Variants in NOL4L observed in about 807,000 individuals in gnomAD.
NOL4L encodes the protein nucleolar protein 4 like.
NOL4L carries 7 observed loss-of-function variants against 64.5 expected under a neutral mutation model. The observed-to-expected ratio is 0.11, with a 90% CI of 0.06 to 0.20. The LOEUF is 0.20. NOL4L is among the 10% of genes least tolerant of loss of function. The probability of loss-of-function intolerance (pLI) is 1.00; values close to 1 mark genes in which losing one functional copy is unlikely to be tolerated. For missense variants in NOL4L, 680 were observed against 967.1 expected, an observed-to-expected ratio of 0.70 and a Z score of 3.94; for synonymous variants, 413 against 401.0, an observed-to-expected ratio of 1.03 and a Z score of -0.36.
At chr20:32,472,867 G>T (rs2015118151) in intron 5 of NOL4L, among the ~76,000 whole-genome samples, 1 of 152,162 alleles carries the variant, frequency 6.6e-6, no homozygotes, top group Non-Finnish European at 1.5e-5. Flanking sequence ...GGAAGGTGGT[G>T]TCTGACTACC....
chr20:32,527,927 G>A lies in NOL4L; in HGVS notation c.322-14C>T. ...GCCATCTGCCCCCTGCGACAGGGTG[G>A]ACAAGCTGTGTTAGTGTCAGGAATG... On this transcript the variant is annotated splice_polypyrimidine_tract_variant and intron_variant, in intron 1 of 10. Transcript: ENST00000621426. 1 of 1,548,270 alleles carries A rather than the reference G, an allele frequency of 6.5e-7. No homozygotes were observed. The highest frequency in any genetic ancestry group is 8.7e-7 in the Non-Finnish European group (1 of 1,145,730).
At position 32,551,059 on chromosome 20, in the gene NOL4L, AAAT is replaced by A. The variant is rs937561532; in HGVS notation, c.322-23149_322-23147del. On this transcript the variant is annotated intron_variant, in intron 1 of 10. Transcript: ENST00000621426. ...AGACAGAGCAAGACTCCATCTCAAA[AAAT>A]AATAATAATAATACAGTATTATAAT... Among the ~76,000 whole-genome samples, 67 of 151,850 alleles carry A rather than the reference AAAT, an allele frequency of 4.4e-4. 1 individual carries two copies. The highest frequency in any genetic ancestry group is 8.4e-4 in the Non-Finnish European group (57 of 67,942).
chr20:32,465,999 T>G (rs1485337684), intron 5 of NOL4L, among the ~76,000 whole-genome samples: 2 of 147,050 alleles, frequency 1.4e-5, no homozygotes, highest in Non-Finnish European at 3.0e-5. Flanking sequence ...TTTTTTTTTT[T>G]GAGATGGAGT....
At chr20:32,555,168 T>C (rs1243381027) in intron 1 of NOL4L, among the ~76,000 whole-genome samples, 1 of 152,146 alleles carries the variant, frequency 6.6e-6, no homozygotes, top group African/African-American at 2.4e-5. Flanking sequence ...TCTTTCCTGG[T>C]GTTACGTTAA....
At chr20:32,583,515 G>C (rs898367135) in intron 1 of NOL4L, among the ~76,000 whole-genome samples, 14 of 146,632 alleles carry the variant, frequency 9.5e-5, no homozygotes, top group African/African-American at 3.5e-4. Context: ...CGGCTCTCGC[G>C]CTCCGGCCGG....
At chr20:32,494,282 AC>A (rs1463579466) in intron 4 of NOL4L, among the ~76,000 whole-genome samples, 3,409 of 57,888 alleles carry the variant, frequency 0.059, 621 homozygotes, top group African/African-American at 0.26. Context: ...AAAAAAAAAA[AC>A]ACACAACACA....
intron 1 of NOL4L, among the ~76,000 whole-genome samples, chr20:32,579,577 A>T (rs1980340153): frequency 6.6e-6 from 1 of 151,890 alleles, no homozygotes; most frequent in Non-Finnish European, 1.5e-5. Flanking sequence ...AGCAGCCTGC[A>T]GGGGCCATAA....
At chr20:32,450,801 C>G (rs1295694420) in intron 10 of NOL4L, among the ~76,000 whole-genome samples, 2 of 152,164 alleles carry the variant, frequency 1.3e-5, no homozygotes, top group African/African-American at 4.8e-5. Context: ...GGCTTTTCTT[C>G]CTGGAATGAA....
intron 6 of NOL4L, among the ~76,000 whole-genome samples, chr20:32,455,779 G>A (rs995705845): frequency 1.3e-5 from 2 of 152,218 alleles, no homozygotes; most frequent in Non-Finnish European, 2.9e-5. Flanking sequence ...TGGCTGTGCC[G>A]AAAGTGGCCA....
chr20:32,517,067 C>T (rs987726855), intron 3 of NOL4L, among the ~76,000 whole-genome samples: 2 of 152,218 alleles, frequency 1.3e-5, no homozygotes, highest in African/African-American at 4.8e-5. Flanking sequence ...CTGGAATTTC[C>T]CGTCCTCAGA....
At chr20:32,462,919 A>AAAAAAAAAAAAAAAAAAAAAAAAAC (rs1303278206) in intron 5 of NOL4L, among the ~76,000 whole-genome samples, 1 of 150,854 alleles carries the variant, frequency 6.6e-6, no homozygotes, top group Non-Finnish European at 1.5e-5. Flanking sequence ...AAAAAAAAAA[A>AAAAAAAAAAAAAAAAAAAAAAAAAC]AAAACTGATT....
intron 1 of NOL4L, among the ~76,000 whole-genome samples, chr20:32,556,989 G>A (rs536026732): frequency 3.9e-5 from 6 of 152,198 alleles, no homozygotes; most frequent in Non-Finnish European, 5.9e-5. Context: ...AGGTAGACCC[G>A]ATTTTAAATC....
intron 1 of NOL4L, among the ~76,000 whole-genome samples, chr20:32,579,683 C>T (rs944880331): frequency 6.6e-6 from 1 of 152,136 alleles, no homozygotes; most frequent in Non-Finnish European, 1.5e-5. Context: ...AGAGGGGAGG[C>T]CCCAGGAAGG....
At chr20:32,485,058 C>CAAAAAAA (rs57444583) in intron 4 of NOL4L, among the ~76,000 whole-genome samples, 81 of 17,776 alleles carry the variant, frequency 4.6e-3, no homozygotes, top group African/African-American at 8.9e-3. Context: ...GGGAAATTGC[C>CAAAAAAA]AAAAAAAAAA....
At chr20:32,512,265 G>C (rs1353670329) in intron 3 of NOL4L, among the ~76,000 whole-genome samples, 1 of 152,016 alleles carries the variant, frequency 6.6e-6, no homozygotes, top group East Asian at 1.9e-4. Context: ...TATGATACTT[G>C]CCAGACCCTT....
intron 4 of NOL4L, among the ~76,000 whole-genome samples, chr20:32,503,812 CATAAA>C (rs1005776539): frequency 1.3e-5 from 2 of 152,186 alleles, no homozygotes; most frequent in Admixed American, 6.5e-5. Context: ...CTTTGATCAT[CATAAA>C]ATATCACACT....
At chr20:32,526,299 T>C (rs2018130040) in intron 2 of NOL4L, among the ~76,000 whole-genome samples, 1 of 152,022 alleles carries the variant, frequency 6.6e-6, no homozygotes, top group African/African-American at 2.4e-5. Flanking sequence ...CTGGTGGAAA[T>C]ACCCTCAGAA....
chr20:32,493,345 T>C (rs2016542564), intron 4 of NOL4L, among the ~76,000 whole-genome samples: 1 of 151,984 alleles, frequency 6.6e-6, no homozygotes, highest in African/African-American at 2.4e-5. Flanking sequence ...AGCTCCGGTG[T>C]GGATGATGGC....
At chr20:32,454,399 C>T (rs6057584) in intron 6 of NOL4L, among the ~76,000 whole-genome samples, 4,463 of 152,272 alleles carry the variant, frequency 0.029, 215 homozygotes, top group African/African-American at 0.1. Context: ...TGAGAATATG[C>T]GGGTAGAAAG....
Sources: allele counts gnomAD v4.1 joint callset (sites outside exome capture counted in the v4.1 genomes callset), GRCh38; gene constraint gnomAD v4.1.1; transcripts MANE v1.5; gene names NCBI Gene and HGNC (gene_info 2026-07-23, HGNC 2026-07-21).